The following CLSTN3 variants were observed in gnomAD, a reference collection of about 807,000 sequenced individuals.
The protein encoded by CLSTN3 is calsyntenin 3.
In CLSTN3, 36 loss-of-function variants were observed where a neutral mutation model predicts 95.9. That is an observed-to-expected ratio of 0.38 (90% CI 0.29 to 0.50). CLSTN3 has a LOEUF of 0.50. Ranked by LOEUF, CLSTN3 falls within the 20% of genes least tolerant of loss-of-function variation. CLSTN3 has a pLI of 0.95. For synonymous variants in CLSTN3, 481 were observed against 504.0 expected (o/e 0.95, Z 0.61); for missense variants, 1,084 against 1,268.8 (o/e 0.85, Z 2.21).
chr12:7,131,938 T>A (rs1565647651), intron 1 of CLSTN3: 1 of 455,810 alleles, frequency 2.2e-6, no homozygotes, highest in Non-Finnish European at 4.4e-6. Flanking sequence ...GGGGATGAGG[T>A]TCCTTTTGGT....
At position 7,149,928 on chromosome 12, in the gene CLSTN3, C is replaced by A. The variant is rs79816776; in HGVS notation, c.2245+235C>A. 4.1e-3 allele frequency among the ~76,000 whole-genome samples: 623 copies of A among 152,332 alleles called. 8 individuals are homozygous for A. The highest frequency in any genetic ancestry group is 0.014 in the African/African-American group (587 of 41,578). On this transcript the variant is annotated intron_variant, in intron 14 of 17. Coordinates refer to ENST00000266546, the MANE Select transcript of CLSTN3 (RefSeq NM_014718.4). The surrounding 1 kb of genome is among the most constrained non-coding windows in gnomAD (Gnocchi z 4.5). Reference sequence around the variant, plus strand: ...CTCTCCATAGCCTGGCTCACCTCCACTTCTGGTCCCACTCCTGTTTCCATT... The same window carrying A: ...CTCTCCATAGCCTGGCTCACCTCCAATTCTGGTCCCACTCCTGTTTCCATT...
chr12:7,156,916 T>C (rs1224437165), intron 16 of CLSTN3: 7 of 446,378 alleles, frequency 1.6e-5, no homozygotes, highest in East Asian at 1.4e-4. Flanking sequence ...TGTCACGGAG[T>C]GAGCTCAGTC....
At chr12:7,136,730 G>A (rs968289480) in intron 6 of CLSTN3, 99 bp from the exon 7 acceptor site, 3 of 1,377,904 alleles carry the variant, frequency 2.2e-6, no homozygotes, top group Non-Finnish European at 3.0e-6. Context: ...CGTGCTGTAG[G>A]AAATCTTTTC....
At chr12:7,129,251 T>C (rs1591610918), upstream of CLSTN3, 1 of 220,884 alleles carries the variant, frequency 4.5e-6, no homozygotes, top group Non-Finnish European at 9.3e-6. The surrounding 1 kb of genome is among the most constrained non-coding windows in gnomAD (Gnocchi z 5.5). Context: ...CTGTGTGAGG[T>C]GGAGATGAGT....
At chr12:7,129,590 C>G (rs1009033435), upstream of CLSTN3, 99 of 984,360 alleles carry the variant, frequency 1.0e-4, no homozygotes, top group Non-Finnish European at 1.0e-4. The surrounding 1 kb of genome is among the most constrained non-coding windows in gnomAD (Gnocchi z 5.5). Flanking sequence ...TCGATGAGAC[C>G]GTAACCCCCA....
intron 12 of CLSTN3, among the ~76,000 whole-genome samples, chr12:7,145,801 G>A (rs1358550441): frequency 6.6e-6 from 1 of 152,084 alleles, no homozygotes; most frequent in Non-Finnish European, 1.5e-5. Context: ...TCTCTGTAAT[G>A]GTGCCTCTGT....
chr12:7,143,996 G>A (rs1479151857), intron 12 of CLSTN3, among the ~76,000 whole-genome samples: 1 of 152,176 alleles, frequency 6.6e-6, no homozygotes, highest in Non-Finnish European at 1.5e-5. Flanking sequence ...CACTTTGGGA[G>A]GCCAAGGCAG....
At position 7,130,426 on chromosome 12, in the gene CLSTN3, G is replaced by A; in HGVS notation, c.-223G>A. ...GAGAGAGTGAGGACGCTGGGCTGGG[G>A]GAAACGGGAAGCCGCTGCAAGTCCA... On this transcript the variant is annotated 5_prime_UTR_variant, in exon 1 of 18. Transcript: ENST00000266546. 6.9e-7 allele frequency: 1 copy of A among 1,454,346 alleles called. No individual in the cohort carries two copies. Among genetic ancestry groups the A allele is most frequent in the Non-Finnish European group, 9.0e-7 (1 of 1,105,110 alleles). The allele number at this position is 1,454,346 out of a possible 1,614,324, so 90.1% of individuals were successfully genotyped here.
chr12:7,147,091 G>A (rs1024004535), intron 12 of CLSTN3, among the ~76,000 whole-genome samples: 19 of 152,006 alleles, frequency 1.2e-4, no homozygotes, highest in African/African-American at 4.4e-4. Flanking sequence ...AATCATTTCC[G>A]CTAGCACCAG....
At chr12:7,155,863 A>G in intron 16 of CLSTN3, 1 of 204,930 alleles carries the variant, frequency 4.9e-6, no homozygotes. Flanking sequence ...CTGCCCAGGC[A>G]GGGCATTCTC....
intron 1 of CLSTN3, chr12:7,131,132 T>C: frequency 3.3e-6 from 1 of 306,354 alleles, no homozygotes. Context: ...CTGCTTCGCC[T>C]CCATCCCATC....
chr12:7,141,672 A>G lies in CLSTN3; in HGVS notation c.1486+268A>G, dbSNP rs1487460835. On this transcript the variant is annotated intron_variant, in intron 9 of 17. Coordinates refer to ENST00000266546, the MANE Select transcript of CLSTN3 (RefSeq NM_014718.4). This position sits in a 1 kb window ranked among gnomAD's most constrained non-coding sequence, Gnocchi z 4.1. The stretch of plus-strand genomic sequence containing the variant: ...CTCTCTGTAACTCCAGCCAGTTTCC[A>G]CTTTTTTCCATCAAAGTGATGATGA... Among the ~76,000 whole-genome samples, 1 of 152,114 alleles carries G rather than the reference A, an allele frequency of 6.6e-6. No homozygotes were observed. Among genetic ancestry groups the G allele is most frequent in the Non-Finnish European group, 1.5e-5 (1 of 68,018 alleles).
At chr12:7,130,303 T>TGCCCCCCC, upstream of CLSTN3, 2 of 778,318 alleles carry the variant, frequency 2.6e-6, no homozygotes, top group Non-Finnish European at 3.3e-6. Flanking sequence ...CAGCACCTGG[T>TGCCCCCCC]CCCCCCCCCT....
chr12:7,135,505 C>T lies in CLSTN3; in HGVS notation c.562C>T (p.Pro188Ser). ...GATCTGCTACTATGAGATTCTCACA[C>T]CCAACACCCCTTTCCTCATTGACAA... ...SQICYYEILTPNTPFLIDNDG... is the reference protein window; with the variant it reads ...SQICYYEILTSNTPFLIDNDG... Residue 188 changes from proline (P) to serine (S), a missense_variant, in exon 4 of 18, where the codon CCC becomes TCC. Pro to Ser is a moderately conservative substitution (Grantham distance 74). Transcript: ENST00000266546. The T allele has an allele frequency of 6.2e-7, 1 of 1,614,142 alleles. No homozygotes were observed. The highest frequency in any genetic ancestry group is 1.3e-5 in the African/African-American group (1 of 75,022).
chr12:7,147,668 C>A (rs112035263), intron 12 of CLSTN3, among the ~76,000 whole-genome samples: 1 of 151,536 alleles, frequency 6.6e-6, no homozygotes, highest in African/African-American at 2.4e-5. Context: ...GCATCTACCA[C>A]CACACCTGGA....
upstream of CLSTN3, chr12:7,130,317 A>G (rs61917922): frequency 1.6e-4 from 69 of 424,396 alleles, 2 homozygotes; most frequent in African/African-American, 2.1e-3. Flanking sequence ...CCCCCCTCCC[A>G]GTCACCTGAT....
At chr12:7,147,965 G>A (rs1229935135) in intron 12 of CLSTN3, among the ~76,000 whole-genome samples, 6 of 152,102 alleles carry the variant, frequency 3.9e-5, no homozygotes, top group Admixed American at 3.9e-4. Flanking sequence ...GACCAGCCTG[G>A]CCAATATGAA....
Position 7,158,074 on chromosome 12 carries a change from G to T in CLSTN3, c.2864G>T (p.Arg955Leu). The change falls in exon 18 of 18, where the codon CGC becomes CTC. Residue 955 changes from arginine to leucine, a missense_variant. Arg to Leu is a moderately radical substitution (Grantham distance 102, BLOSUM62 -2). Coordinates refer to ENST00000266546, the MANE Select transcript of CLSTN3 (RefSeq NM_014718.4). Reference protein sequence around the residue: ...ERRIIETPPHRY With the variant: ...ERRIIETPPHLY ...CGCATCATCGAGACCCCCCCACACC[G>T]CTACTAAGGCCTACACCTCTCCCCA... 1 of 1,528,232 alleles carries T rather than the reference G, an allele frequency of 6.5e-7. No individual in the cohort carries two copies. The highest frequency in any genetic ancestry group is 2.0e-5 in the Admixed American group (1 of 49,992). 94.7% of individuals were successfully genotyped at this position (1,528,232 alleles called of 1,614,324 possible).
At chr12:7,148,156 A>AAAAGAAAGAAAAGAAAG (rs1939653960) in intron 12 of CLSTN3, among the ~76,000 whole-genome samples, 1 of 135,404 alleles carries the variant, frequency 7.4e-6, no homozygotes, top group Non-Finnish European at 1.6e-5. Context: ...AACTCCATCA[A>AAAAGAAAGAAAAGAAAG]AAAGAAAGAA....
Sources: gnomAD v4.1 joint callset for allele counts (sites outside exome capture counted in the v4.1 genomes callset) on GRCh38, gnomAD v4.1.1 for gene constraint, Gnocchi (gnomAD v3.1) non-coding constraint, MANE v1.5 for transcripts, NCBI Gene and HGNC (gene_info 2026-07-23, HGNC 2026-07-21) for gene names.